The following MGAT4B variants were observed in gnomAD, a reference collection of about 807,000 sequenced individuals.
MGAT4B encodes the protein alpha-1,3-mannosyl-glycoprotein 4-beta-N-acetylglucosaminyltransferase B, also known as N-acetylglucosaminyltransferase IVb.
MGAT4B carries 38 observed loss-of-function variants against 73.9 expected under a neutral mutation model. That is an observed-to-expected ratio of 0.51 (90% CI 0.40 to 0.67). The LOEUF (loss-of-function observed/expected upper bound fraction) is 0.67. MGAT4B is among the 30% of genes least tolerant of loss of function. MGAT4B has a pLI of 0.00. For missense variants in MGAT4B, 686 were observed against 735.2 expected (o/e 0.93, Z 0.77); for synonymous variants, 373 against 313.5 (o/e 1.19, Z -2.01).
In MGAT4B at chr5:179,801,525, C is replaced by T; in HGVS notation, c.424+29G>A. The T allele has an allele frequency of 1.2e-6, 2 of 1,603,790 alleles. No individual in the cohort carries two copies. On this transcript the variant is annotated intron_variant, in intron 3 of 14. Coordinates refer to ENST00000292591, the MANE Select transcript of MGAT4B (RefSeq NM_014275.5). This position sits in a 1 kb window ranked among gnomAD's most constrained non-coding sequence, Gnocchi z 4.8. ...GTGCGGGGGCCACCCGTCCCCCCAC[C>T]CCGTGCTCCTCCCTGTCTGCGCCCA...
In MGAT4B at chr5:179,800,614, C is replaced by T; in HGVS notation, c.606-17G>A. On this transcript the variant is annotated splice_polypyrimidine_tract_variant and intron_variant, in intron 5 of 14. Transcript: ENST00000292591. ...GTGGGGAACCTGGGGGACGGGAAGG[C>T]CTAGTCCGTATGCAGCCTCCAGGGG... The T allele has an allele frequency of 6.5e-7, 1 of 1,545,430 alleles. No homozygotes were observed. The highest frequency in any genetic ancestry group is 8.9e-7 in the Non-Finnish European group (1 of 1,124,512).
intron 11 of MGAT4B, 105 bp from the exon 12 acceptor site, chr5:179,798,696 C>G: frequency 7.5e-7 from 1 of 1,331,388 alleles, no homozygotes; most frequent in Admixed American, 1.9e-5. Flanking sequence ...GCCCCCCAGG[C>G]AGCTGTCAGG....
chr5:179,803,270 A>G (rs1581979726), intron 1 of MGAT4B: 1 of 985,354 alleles, frequency 1.0e-6, no homozygotes, highest in Non-Finnish European at 1.2e-6. Flanking sequence ...GCTGAGGCAA[A>G]GCGGAGCCTC....
At chr5:179,804,506 C>A (rs1757062604) in intron 1 of MGAT4B, among the ~76,000 whole-genome samples, 1 of 152,220 alleles carries the variant, frequency 6.6e-6, no homozygotes, top group South Asian at 2.1e-4. Flanking sequence ...GCTGGCAGAG[C>A]TGCTGCACGG....
At chr5:179,802,291 C>T (rs1347279533) in intron 1 of MGAT4B, 1 of 1,407,422 alleles carries the variant, frequency 7.1e-7, no homozygotes, top group Non-Finnish European at 9.2e-7. Context: ...GCTGGAACAG[C>T]CTCAGACTGA....
intron 1 of MGAT4B, among the ~76,000 whole-genome samples, chr5:179,805,770 G>A (rs1035201185): frequency 6.6e-6 from 1 of 152,254 alleles, no homozygotes; most frequent in Non-Finnish European, 1.5e-5. Context: ...GGGGAAGAGC[G>A]CCTCCGAGGG....
At chr5:179,800,697 G>GC (rs1214906605) in intron 5 of MGAT4B, 100 bp from the exon 6 acceptor site, 2 of 1,095,594 alleles carry the variant, frequency 1.8e-6, no homozygotes, top group African/African-American at 1.6e-5. Context: ...CCCAGTGCCA[G>GC]CCCCCCACCA....
At position 179,801,049 on chromosome 5, in the gene MGAT4B, C is replaced by T. The variant is rs571601920; in HGVS notation, c.559-96G>A. 7.6e-5 allele frequency: 111 copies of T among 1,460,128 alleles called. 1 individual carries two copies. The highest frequency in any genetic ancestry group is 5.4e-4 in the South Asian group (47 of 86,578). The allele number at this position is 1,460,128 out of a possible 1,614,324, so 90.4% of individuals were successfully genotyped here. A position where few individuals can be genotyped will look rare whatever the true frequency, so the allele number is the denominator to read the frequency against. ...GGGCACAGGCTTCAGATGCCCCCCA[C>T]GTGGAGGGAGTGAGCCTGCTGTGCT... On this transcript the variant is annotated intron_variant, in intron 4 of 14. Transcript: ENST00000292591. The surrounding 1 kb of genome is among the most constrained non-coding windows in gnomAD (Gnocchi z 4.8).
Position 179,799,084 on chromosome 5 carries a change from T to A in MGAT4B, c.1187A>T (p.His396Leu). ...GCTCACCTCTGCTGGCGGGTTCACA[T>A]GCTCCTTCCGCAGCGCCTGCTTTCC... The part of the protein sequence containing the change: ...DFGKQALRKE[H>L]VNPPAEVSTS... Residue 396 changes from histidine to leucine, a missense_variant, in exon 11 of 15, where the codon CAT (histidine) becomes CTT (leucine). This residue lies in a region of MGAT4B where 449 missense variants were observed against 536.8 expected (regional missense o/e 0.84). Coordinates refer to ENST00000292591, the MANE Select transcript of MGAT4B (RefSeq NM_014275.5). 3 of 1,613,952 alleles carry A rather than the reference T, an allele frequency of 1.9e-6. No homozygotes were observed. Among genetic ancestry groups the A allele is most frequent in the Non-Finnish European group, 2.5e-6 (3 of 1,180,030 alleles).
In MGAT4B at chr5:179,801,728, A is replaced by AG. The variant is rs774357076; in HGVS notation, c.284-35dup. The AG allele has an allele frequency of 9.1e-5, 146 of 1,595,738 alleles. No homozygotes were observed. Among genetic ancestry groups the AG allele is most frequent in the Non-Finnish European group, 1.2e-4 (136 of 1,170,846 alleles). On this transcript the variant is annotated intron_variant, in intron 2 of 14. Coordinates refer to ENST00000292591, the MANE Select transcript of MGAT4B (RefSeq NM_014275.5). This position sits in a 1 kb window ranked among gnomAD's most constrained non-coding sequence, Gnocchi z 4.8. ...GTCGGGAAGGATCGGGACTGAGACCAGGGAACCTACAACCAGCCCGCCCCC... is the reference window on the plus strand; with the variant it reads ...GTCGGGAAGGATCGGGACTGAGACCAGGGGAACCTACAACCAGCCCGCCCCC...
At chr5:179,798,721 C>G (rs765927265) in intron 11 of MGAT4B, 130 bp from the exon 12 acceptor site, 26 of 1,163,916 alleles carry the variant, frequency 2.2e-5, no homozygotes, top group Admixed American at 4.1e-5. Flanking sequence ...GCAAAGAGAC[C>G]AGGGCCTTCC....
chr5:179,798,650 G>A (rs113895136), intron 11 of MGAT4B, 59 bp from the exon 12 acceptor site: 29 of 1,583,376 alleles, frequency 1.8e-5, no homozygotes, highest in African/African-American at 1.6e-4. Flanking sequence ...CAGCACCCAG[G>A]GCCCAGCAGA....
intron 10 of MGAT4B, 29 bp downstream of exon 10, chr5:179,799,174 G>A (rs1249532395): frequency 2.5e-6 from 4 of 1,613,960 alleles, no homozygotes; most frequent in Non-Finnish European, 2.5e-6. Context: ...CTTGATCCCG[G>A]CCTAGGGAGA....
chr5:179,801,660 G>T lies in MGAT4B; in HGVS notation c.318C>A (p.His106Gln). The T allele has an allele frequency of 6.2e-7, 1 of 1,607,058 alleles. No individual in the cohort carries two copies. The highest frequency in any genetic ancestry group is 2.2e-5 in the East Asian group (1 of 44,542). ...CGGTGGGCAGGTGCAGCACGTGCCG[G>T]TGTGAGCCGTTCCACGGCTTCAATC... Reference protein sequence around the residue: ...DPRLKPWNGSHRHVLHLPTVF... With the variant: ...DPRLKPWNGSQRHVLHLPTVF... The change falls in exon 3 of 15, where the codon CAC becomes CAA. Residue 106 changes from histidine (H) to glutamine (Q), a missense_variant. Physicochemically the swap from His to Gln is conservative, Grantham distance 24. Transcript: ENST00000292591. This position sits in a 1 kb window ranked among gnomAD's most constrained non-coding sequence, Gnocchi z 4.8.
At chr5:179,802,640 T>A (rs1756993892) in intron 1 of MGAT4B, 2 of 987,298 alleles carry the variant, frequency 2.0e-6, no homozygotes, top group Non-Finnish European at 2.4e-6. Context: ...TGGGGCACCC[T>A]GAAGGGTCCG....
rs112938505 is a variant in MGAT4B at position 179,806,172 on chromosome 5, G to C, written c.97+315C>G. ...GCTCCTGCCCAGGTGGCTGTGGCTG[G>C]CGTTCCGGGACCTCTGTGACCTTGG... On this transcript the variant is annotated intron_variant, in intron 1 of 14. Transcript: ENST00000292591. The surrounding 1 kb of genome is among the most constrained non-coding windows in gnomAD (Gnocchi z 4.6). 6.4e-6 allele frequency: 1 copy of C among 155,802 alleles called. No individual in the cohort carries two copies. Among genetic ancestry groups the C allele is most frequent in the African/African-American group, 2.4e-5 (1 of 41,514 alleles). 9.7% of individuals were successfully genotyped at this position (155,802 alleles called of 1,614,324 possible).
rs543210016 is a variant in MGAT4B, at chr5:179,799,649, G to A, written c.911-13C>T. The A allele has an allele frequency of 1.2e-6, 2 of 1,613,364 alleles. No homozygotes were observed. The highest frequency in any genetic ancestry group is 1.7e-5 in the Admixed American group (1 of 60,020). ...TTGAACATCTTACCTGGTGGGGAGGGGCCTGAGTGGGCAGTGCTGCTCTGC... is the reference window on the plus strand; with the variant it reads ...TTGAACATCTTACCTGGTGGGGAGGAGCCTGAGTGGGCAGTGCTGCTCTGC... On this transcript the variant is annotated splice_polypyrimidine_tract_variant and intron_variant, in intron 8 of 14. Transcript: ENST00000292591.
rs1552436 is a variant in MGAT4B, at chr5:179,799,518, G to C, written c.1029C>G (p.Pro343=). The C allele has an allele frequency of 6.2e-7, 1 of 1,613,876 alleles. No individual in the cohort carries two copies. Among genetic ancestry groups the C allele is most frequent in the East Asian group, 2.2e-5 (1 of 44,878 alleles). The change falls in exon 9 of 15, where the codon CCC becomes CCG. Residue 343 remains proline, a synonymous_variant. Coordinates refer to ENST00000292591, the MANE Select transcript of MGAT4B (RefSeq NM_014275.5). Reference sequence around the variant, plus strand: ...AGCTCTTGCTCACCGCATCCTTCTCGGGGTTGCAGACTTTCACCCACAGAA... The same window carrying C: ...AGCTCTTGCTCACCGCATCCTTCTCCGGGTTGCAGACTTTCACCCACAGAA... ...DHILWVKVCN[P]EKDAKHCDRQ...
intron 8 of MGAT4B, 146 bp from the exon 9 acceptor site, chr5:179,799,782 G>T: frequency 1.5e-6 from 2 of 1,316,726 alleles, no homozygotes; most frequent in South Asian, 1.3e-5. Flanking sequence ...GGTGATGAGG[G>T]CAGACATGTC....
Sources: allele counts gnomAD v4.1 joint callset (sites outside exome capture counted in the v4.1 genomes callset), GRCh38; gene constraint gnomAD v4.1.1; regional missense constraint gnomAD v4.1.1; non-coding constraint Gnocchi (gnomAD v3.1); transcripts MANE v1.5; gene names NCBI Gene and HGNC (gene_info 2026-07-23, HGNC 2026-07-21).